The following PLAA variants were observed in gnomAD, a reference collection of about 807,000 sequenced individuals.
The protein encoded by PLAA is phospholipase A2 activating protein.
In PLAA, 48 loss-of-function variants were observed where a neutral mutation model predicts 84.1. The ratio of observed to expected loss-of-function variants is 0.57; its 90% CI spans 0.45 to 0.73. The LOEUF is 0.73. PLAA is among the 30% of genes least tolerant of loss of function. The pLI is 0.00. For synonymous variants in PLAA, 392 were observed against 336.6 expected (o/e 1.16, Z -1.80); for missense variants, 903 against 954.7 (o/e 0.95, Z 0.71).
chr9:26,916,944 T>C (rs1824582116), intron 10 of PLAA, among the ~76,000 whole-genome samples, 153 bp downstream of exon 10: 1 of 151,852 alleles, frequency 6.6e-6, no homozygotes, highest in African/African-American at 2.4e-5. Flanking sequence ...AAAGCAAAAA[T>C]CAGAAGTTAA....
At chr9:26,911,473 C>G (rs1824396509) in intron 11 of PLAA, among the ~76,000 whole-genome samples, 1 of 151,990 alleles carries the variant, frequency 6.6e-6, no homozygotes, top group Non-Finnish European at 1.5e-5. Context: ...TGTTTTAGTA[C>G]AGAAGGGGTT....
At chr9:26,937,589 T>C (rs1373144246) in intron 1 of PLAA, among the ~76,000 whole-genome samples, 9 of 152,156 alleles carry the variant, frequency 5.9e-5, no homozygotes, top group Admixed American at 5.9e-4. Flanking sequence ...GCAGATCTAC[T>C]AGACAGAGAC....
intron 8 of PLAA, 72 bp from the exon 9 acceptor site, chr9:26,919,601 A>T: frequency 1.2e-6 from 1 of 805,966 alleles, no homozygotes; most frequent in South Asian, 1.7e-5. Context: ...TATACAACAT[A>T]ACACAGATGT....
intron 1 of PLAA, among the ~76,000 whole-genome samples, chr9:26,939,861 T>C (rs1002605636): frequency 4.6e-5 from 7 of 152,168 alleles, no homozygotes; most frequent in African/African-American, 1.7e-4. Context: ...ATAACAATTA[T>C]AAACATTTAT....
chr9:26,913,908 G>T lies in PLAA; in HGVS notation c.1526C>A (p.Thr509Asn). 6.2e-7 allele frequency: 1 copy of T among 1,612,416 alleles called. No individual in the cohort carries two copies. The change falls in exon 11 of 14, where the codon ACT (threonine) becomes AAT (asparagine). Residue 509 changes from threonine (T) to asparagine (N), a missense_variant. Physicochemically the swap from Thr to Asn is moderately conservative, Grantham distance 65. Coordinates refer to ENST00000397292, the MANE Select transcript of PLAA (RefSeq NM_001031689.3). ...RYVPGSASMGTTMAGVDPFTG... is the reference protein window; with the variant it reads ...RYVPGSASMGNTMAGVDPFTG... ...AAATGGATCAACTCCGGCCATGGTA[G>T]TTCCCATACTTGCAGAACCTGGTAC...
intron 11 of PLAA, among the ~76,000 whole-genome samples, chr9:26,911,344 G>A (rs910696632): frequency 1.4e-4 from 22 of 152,234 alleles, no homozygotes; most frequent in African/African-American, 4.8e-4. Context: ...GTAGAGACAG[G>A]GTTTCACCAC....
At chr9:26,917,379 A>G (rs1824596491) in intron 9 of PLAA, among the ~76,000 whole-genome samples, 2 of 152,242 alleles carry the variant, frequency 1.3e-5, no homozygotes, top group South Asian at 4.1e-4. Flanking sequence ...CTTAACTTTA[A>G]TGCTTTATTA....
At chr9:26,917,952 T>A (rs1287713823) in intron 9 of PLAA, among the ~76,000 whole-genome samples, 4 of 152,212 alleles carry the variant, frequency 2.6e-5, no homozygotes, top group African/African-American at 9.6e-5. Context: ...CAAAATAGCT[T>A]ACACAGTACT....
At position 26,904,476 on chromosome 9, in the gene PLAA, T is replaced by G. The variant is rs145609483; in HGVS notation, c.*1035A>C. On this transcript the variant is annotated 3_prime_UTR_variant, in exon 14 of 14. Coordinates refer to ENST00000397292, the MANE Select transcript of PLAA (RefSeq NM_001031689.3). ...TCTCTCTAGAAAGTATAGCATAGCATGTACTTTAAGTAGTTAACTCCCTCT... is the reference window on the plus strand; with the variant it reads ...TCTCTCTAGAAAGTATAGCATAGCAGGTACTTTAAGTAGTTAACTCCCTCT... 6.6e-6 allele frequency: 1 copy of G among 152,174 alleles called. No homozygotes were observed. The allele number at this position is 152,174 out of a possible 1,614,324, so 9.4% of individuals were successfully genotyped here. A position where few individuals can be genotyped will look rare whatever the true frequency, so the allele number is the denominator to read the frequency against.
At chr9:26,932,644 A>G (rs1563917145) in intron 2 of PLAA, among the ~76,000 whole-genome samples, 1 of 152,246 alleles carries the variant, frequency 6.6e-6, no homozygotes, top group Non-Finnish European at 1.5e-5. Context: ...TGAAGGATGT[A>G]TTTATAAATG....
At position 26,925,877 on chromosome 9, in the gene PLAA, A is replaced by C; in HGVS notation, c.817T>G (p.Ser273Ala). Residue 273 changes from serine to alanine, a missense_variant, in exon 6 of 14, where the codon TCT becomes GCT. Ser to Ala is a moderately conservative substitution (Grantham distance 99). Coordinates refer to ENST00000397292, the MANE Select transcript of PLAA (RefSeq NM_001031689.3). Reference sequence around the variant, plus strand: ...TCGAGCACACAGCAGCACCATATAGACTGAGCTGGAAGTCGGATAGTTTGA... The same window carrying C: ...TCGAGCACACAGCAGCACCATATAGCCTGAGCTGGAAGTCGGATAGTTTGA... ...CAQTIRLPAQ[S>A]IWCCCVLDNG... The C allele has an allele frequency of 1.2e-6, 2 of 1,613,928 alleles. No homozygotes were observed. Among genetic ancestry groups the C allele is most frequent in the Non-Finnish European group, 1.7e-6 (2 of 1,179,834 alleles).
intron 1 of PLAA, among the ~76,000 whole-genome samples, chr9:26,944,096 A>G (rs1825619159): frequency 1.3e-5 from 2 of 152,200 alleles, no homozygotes; most frequent in South Asian, 4.1e-4. Flanking sequence ...TTCTGCCGCC[A>G]TGAATAGATT....
intron 12 of PLAA, among the ~76,000 whole-genome samples, chr9:26,908,235 T>G (rs1198664616): frequency 4.0e-5 from 6 of 151,002 alleles, no homozygotes; most frequent in Non-Finnish European, 7.4e-5. Flanking sequence ...TGGCGCCATC[T>G]TGGCTCACTG....
intron 7 of PLAA, among the ~76,000 whole-genome samples, chr9:26,921,500 ATTTGTTAT>A (rs1358641133): frequency 6.6e-6 from 1 of 152,310 alleles, no homozygotes; most frequent in East Asian, 1.9e-4. Flanking sequence ...ATCTGTTTCA[ATTTGTTAT>A]TTTGGTTGAC....
At chr9:26,936,372 G>A (rs907311373) in intron 1 of PLAA, among the ~76,000 whole-genome samples, 1 of 152,148 alleles carries the variant, frequency 6.6e-6, no homozygotes, top group Non-Finnish European at 1.5e-5. Flanking sequence ...TACCAACAAA[G>A]GGCTTAAGAA....
intron 8 of PLAA, among the ~76,000 whole-genome samples, chr9:26,919,737 G>C (rs1824694869): frequency 6.6e-6 from 1 of 152,180 alleles, no homozygotes; most frequent in South Asian, 2.1e-4. Flanking sequence ...ATTAGGGGAT[G>C]GGGGTGAGGA....
rs565970802 is a variant in PLAA, at chr9:26,945,704, C to T, written c.149+1193G>A. On this transcript the variant is annotated intron_variant, in intron 1 of 13. Transcript: ENST00000397292. ...GGCTTCCATCTGCAAACTCCATAACCTGGCTCTTGCCAGCCTCAAAACCTG... is the reference window on the plus strand; with the variant it reads ...GGCTTCCATCTGCAAACTCCATAACTTGGCTCTTGCCAGCCTCAAAACCTG... Among the ~76,000 whole-genome samples, 16 of 152,294 alleles carry T rather than the reference C, an allele frequency of 1.1e-4. No individual in the cohort carries two copies. In the South Asian group the frequency reaches 3.1e-3, roughly 30 times the overall value.
chr9:26,928,678 G>A (rs1301626202), intron 2 of PLAA, among the ~76,000 whole-genome samples: 3 of 152,190 alleles, frequency 2.0e-5, no homozygotes, highest in African/African-American at 7.2e-5. Flanking sequence ...TCTGTGAAAC[G>A]AGGGAGCGGA....
chr9:26,905,394 T>C lies in PLAA; in HGVS notation c.*117A>G, dbSNP rs944553221. 4 of 782,216 alleles carry C rather than the reference T, an allele frequency of 5.1e-6. No individual in the cohort carries two copies. Among genetic ancestry groups the C allele is most frequent in the Non-Finnish European group, 8.1e-6 (4 of 495,810 alleles). The allele number at this position is 782,216 out of a possible 1,614,324, so 48.5% of individuals were successfully genotyped here. A position where few individuals can be genotyped will look rare whatever the true frequency, so the allele number is the denominator to read the frequency against. ...TTCCCCTCCCCACCACTTTACAAGA[T>C]GTAAAATTTTACTTAATCCACCGTA... On this transcript the variant is annotated 3_prime_UTR_variant, in exon 14 of 14. Coordinates refer to ENST00000397292, the MANE Select transcript of PLAA (RefSeq NM_001031689.3).
Sources: gnomAD v4.1 joint callset for allele counts (sites outside exome capture counted in the v4.1 genomes callset) on GRCh38, gnomAD v4.1.1 for gene constraint, MANE v1.5 for transcripts, NCBI Gene and HGNC (gene_info 2026-07-23, HGNC 2026-07-21) for gene names.